RASGEF1C: variants seen among roughly 807,000 people sequenced by gnomAD.
The protein encoded by RASGEF1C is RasGEF domain family member 1C.
A neutral mutation model predicts 58.1 loss-of-function variants in RASGEF1C; 27 were observed. The ratio of observed to expected loss-of-function variants is 0.46; its 90% CI spans 0.34 to 0.64. The LOEUF is 0.64. Ranked by LOEUF, RASGEF1C falls within the 30% of genes least tolerant of loss-of-function variation. RASGEF1C has a pLI of 0.01. For synonymous variants in RASGEF1C, 243 were observed against 246.3 expected (o/e 0.99, Z 0.13); for missense variants, 502 against 605.1 (o/e 0.83, Z 1.79).
In RASGEF1C at chr5:180,177,175, G is replaced by T. The variant is rs1214940515; in HGVS notation, c.-7+31853C>A. ...TGAGGGGCAGTGGGATGGGGGGCTG[G>T]CTGGGCTACTTCCAGAAACGTCCAG... On this transcript the variant is annotated intron_variant, in intron 1 of 13. Transcript: ENST00000361132. The surrounding 1 kb of genome is among the most constrained non-coding windows in gnomAD (Gnocchi z 5.0). Among the ~76,000 whole-genome samples the T allele has an allele frequency of 6.6e-6, 1 of 152,164 alleles. No homozygotes were observed. Among genetic ancestry groups the T allele is most frequent in the Admixed American group, 6.5e-5 (1 of 15,280 alleles).
intron 1 of RASGEF1C, among the ~76,000 whole-genome samples, chr5:180,194,020 G>GTTTGTTTA (rs764282653): frequency 2.7e-5 from 4 of 148,650 alleles, no homozygotes; most frequent in African/African-American, 9.9e-5. Context: ...TTGTTTGTTT[G>GTTTGTTTA]TTTTCTGTAT....
intron 1 of RASGEF1C, among the ~76,000 whole-genome samples, chr5:180,151,468 A>G (rs1263047187): frequency 6.6e-6 from 1 of 152,240 alleles, no homozygotes; most frequent in Non-Finnish European, 1.5e-5. Flanking sequence ...GAAATGGGGA[A>G]AGGATTCCCT....
chr5:180,134,648 T>C (rs999720955), intron 4 of RASGEF1C, among the ~76,000 whole-genome samples: 1 of 150,386 alleles, frequency 6.6e-6, no homozygotes, highest in Non-Finnish European at 1.5e-5. Context: ...CTTCCTTCCT[T>C]CTAACATCTG....
chr5:180,121,289 A>T, intron 6 of RASGEF1C, 140 bp from the exon 7 acceptor site: 2 of 633,658 alleles, frequency 3.2e-6, no homozygotes. Context: ...AAGATTTGGT[A>T]TGTACGCTTT....
Position 180,138,041 on chromosome 5 carries a change from C to T in RASGEF1C, c.12G>A (p.Thr4=), listed in dbSNP as rs1582276356. 4.6e-6 allele frequency: 7 copies of T among 1,507,158 alleles called. No individual in the cohort carries two copies. The highest frequency in any genetic ancestry group is 2.7e-5 in the South Asian group (2 of 75,212). The allele number at this position is 1,507,158 out of a possible 1,614,324, so 93.4% of individuals were successfully genotyped here. The change falls in exon 2 of 14, where the codon ACG becomes ACA. Residue 4 remains threonine (T), a synonymous_variant. Transcript: ENST00000361132. MPQ[T]LSASDMVTPG... Reference sequence around the variant, plus strand: ...GGGTGACCATGTCGGAGGCACTCAGCGTCTGTGGCATGTCTGCCTGCAATG... The same window carrying T: ...GGGTGACCATGTCGGAGGCACTCAGTGTCTGTGGCATGTCTGCCTGCAATG...
At chr5:180,142,168 A>G (rs775133463) in intron 1 of RASGEF1C, among the ~76,000 whole-genome samples, 7 of 152,062 alleles carry the variant, frequency 4.6e-5, no homozygotes, top group Non-Finnish European at 8.8e-5. Context: ...TACCCTGTAG[A>G]GAGACCTTTC....
At chr5:180,116,302 A>T (rs1766066666) in intron 10 of RASGEF1C, among the ~76,000 whole-genome samples, 1 of 152,048 alleles carries the variant, frequency 6.6e-6, no homozygotes, top group African/African-American at 2.4e-5. Context: ...CCTGTGACAC[A>T]GACTGGGAGA....
At chr5:180,173,706 A>C (rs1342334565) in intron 1 of RASGEF1C, among the ~76,000 whole-genome samples, 1 of 152,112 alleles carries the variant, frequency 6.6e-6, no homozygotes, top group Non-Finnish European at 1.5e-5. Flanking sequence ...CAAGGTCAGG[A>C]GTTTGAGACC....
intron 10 of RASGEF1C, among the ~76,000 whole-genome samples, chr5:180,116,315 G>A (rs905616688): frequency 6.6e-6 from 1 of 152,042 alleles, no homozygotes; most frequent in Non-Finnish European, 1.5e-5. Context: ...CTGGGAGAGG[G>A]GCAGTTGCCG....
chr5:180,122,940 A>T (rs996097806), intron 6 of RASGEF1C, among the ~76,000 whole-genome samples: 41 of 152,298 alleles, frequency 2.7e-4, no homozygotes, highest in African/African-American at 9.4e-4. Context: ...ACAAATTCTT[A>T]TGGACTAGTG....
At chr5:180,113,780 T>A (rs1225811328) in intron 11 of RASGEF1C, among the ~76,000 whole-genome samples, 1 of 131,552 alleles carries the variant, frequency 7.6e-6, no homozygotes, top group Non-Finnish European at 1.7e-5. Flanking sequence ...GACGGAGGGA[T>A]TGGGGATGGA....
intron 1 of RASGEF1C, among the ~76,000 whole-genome samples, chr5:180,157,001 A>G (rs2113297478): frequency 6.6e-6 from 1 of 152,306 alleles, no homozygotes; most frequent in Middle Eastern, 3.4e-3. Flanking sequence ...CAAAATCCAG[A>G]TCACTGTCAC....
chr5:180,206,490 G>A (rs375793689), intron 1 of RASGEF1C, among the ~76,000 whole-genome samples: 5 of 152,158 alleles, frequency 3.3e-5, no homozygotes, highest in African/African-American at 4.8e-5. Flanking sequence ...GTGATACATC[G>A]GTGGTGGGAA....
chr5:180,188,984 T>C (rs1202330715), intron 1 of RASGEF1C, among the ~76,000 whole-genome samples: 1 of 152,128 alleles, frequency 6.6e-6, no homozygotes, highest in Admixed American at 6.5e-5. Context: ...GGCATCCAAA[T>C]TGAAAAGGAA....
chr5:180,136,563 C>T (rs1030354159), intron 3 of RASGEF1C, 48 bp from the exon 4 acceptor site: 1 of 1,535,134 alleles, frequency 6.5e-7, no homozygotes, highest in Non-Finnish European at 8.8e-7. Flanking sequence ...GCCGGGTGGG[C>T]ACGTGAGCCT....
intron 1 of RASGEF1C, among the ~76,000 whole-genome samples, chr5:180,181,829 A>T: frequency 6.6e-6 from 1 of 152,180 alleles, no homozygotes; most frequent in Non-Finnish European, 1.5e-5. Flanking sequence ...CACTGGCAGG[A>T]TGTCTTCATG....
rs962010418 is a variant in RASGEF1C, at chr5:180,155,460, C to T, written c.-6-17402G>A. ...CCTGGCCTTGCCTTCAGGAGGGCAA[C>T]GCGCTTGGCTGTGAGGGGAGGATTG... On this transcript the variant is annotated intron_variant, in intron 1 of 13. Coordinates refer to ENST00000361132, the MANE Select transcript of RASGEF1C (RefSeq NM_175062.4). The surrounding 1 kb of genome is among the most constrained non-coding windows in gnomAD (Gnocchi z 5.2). Among the ~76,000 whole-genome samples the T allele has an allele frequency of 2.6e-5, 4 of 152,110 alleles. No individual in the cohort carries two copies. The highest frequency in any genetic ancestry group is 7.2e-5 in the African/African-American group (3 of 41,440).
chr5:180,122,227 C>T lies in RASGEF1C; in HGVS notation c.715-1078G>A, dbSNP rs572096056. The stretch of plus-strand genomic sequence containing the variant: ...CCCCCGGGAGCGATGGTTCTGTGCT[C>T]CCTCACTCGGTGCTGCAGCTGCTGG... On this transcript the variant is annotated intron_variant, in intron 6 of 13. Coordinates refer to ENST00000361132, the MANE Select transcript of RASGEF1C (RefSeq NM_175062.4). Among the ~76,000 whole-genome samples, 64 of 152,306 alleles carry T rather than the reference C, an allele frequency of 4.2e-4. 1 individual carries two copies. The highest frequency in any genetic ancestry group is 1.9e-3 in the Admixed American group (29 of 15,300).
intron 1 of RASGEF1C, among the ~76,000 whole-genome samples, chr5:180,186,738 G>T (rs1366060118): frequency 2.6e-5 from 4 of 152,184 alleles, no homozygotes; most frequent in Non-Finnish European, 5.9e-5. Context: ...GGCCAAGGCG[G>T]GCTGGATCAG....
Sources: allele counts gnomAD v4.1 joint callset (sites outside exome capture counted in the v4.1 genomes callset), GRCh38; gene constraint gnomAD v4.1.1; non-coding constraint Gnocchi (gnomAD v3.1); transcripts MANE v1.5; gene names NCBI Gene and HGNC (gene_info 2026-07-23, HGNC 2026-07-21).